GCNT3: variants seen among roughly 807,000 people sequenced by gnomAD.
GCNT3 encodes beta-1,3-galactosyl-O-glycosyl-glycoprotein beta-1,6-N-acetylglucosaminyltransferase 3.
For synonymous variants in GCNT3, 269 were observed against 195.2 expected, an observed-to-expected ratio of 1.38 and a Z score of -3.15; for missense variants, 708 against 530.3, an observed-to-expected ratio of 1.34 and a Z score of -3.29.
chr15:59,612,323 G>A (rs1350985875), intron 1 of GCNT3, among the ~76,000 whole-genome samples: 3 of 152,198 alleles, frequency 2.0e-5, no homozygotes, highest in East Asian at 3.8e-4. Context: ...AGTCTGAGTG[G>A]GAAGAGTTAG....
chr15:59,619,106 T>A lies in GCNT3; in HGVS notation c.868T>A (p.Leu290Ile). ...NKKKDPPPYN[L>I]TMFTGNAYIV... is the part of the protein sequence containing the mutation. ...GAAGAAGGATCCTCCCCCTTATAAT[T>A]TAACTATGTTTACAGGGAATGCGTA... Residue 290 changes from leucine (L) to isoleucine (I), a missense_variant, in exon 3 of 3, where the codon TTA becomes ATA. Leu to Ile is a conservative substitution (Grantham distance 5). Coordinates refer to ENST00000396065, the MANE Select transcript of GCNT3 (RefSeq NM_004751.3). The A allele has an allele frequency of 6.2e-7, 1 of 1,614,138 alleles. No individual in the cohort carries two copies. The highest frequency in any genetic ancestry group is 8.5e-7 in the Non-Finnish European group (1 of 1,180,016).
At position 59,618,442 on chromosome 15, in the gene GCNT3, C is replaced by G. The variant is rs1429690343; in HGVS notation, c.204C>G (p.Ile68Met). ...NFLKLPAKRSINCSGVTRGDQ... is the reference protein window; with the variant it reads ...NFLKLPAKRSMNCSGVTRGDQ... ...TGAAACTTCCAGCAAAGAGGTCTAT[C>G]AACTGTTCAGGGGTCACCCGAGGGG... Residue 68 changes from isoleucine to methionine, a missense_variant, in exon 3 of 3, where the codon ATC becomes ATG. Transcript: ENST00000396065. 4.3e-6 allele frequency: 7 copies of G among 1,614,052 alleles called. No homozygotes were observed. Among genetic ancestry groups the G allele is most frequent in the African/African-American group, 2.7e-5 (2 of 75,048 alleles).
chr15:59,618,238 G>C lies in GCNT3; in HGVS notation c.-1G>C. On this transcript the variant is annotated 5_prime_UTR_variant, in exon 3 of 3. Coordinates refer to ENST00000396065, the MANE Select transcript of GCNT3 (RefSeq NM_004751.3). Reference sequence around the variant, plus strand: ...CTCCACCTGTCTCCCATTCTGTGACGATGGTTCAATGGAAGAGACTCTGCC... The same window carrying C: ...CTCCACCTGTCTCCCATTCTGTGACCATGGTTCAATGGAAGAGACTCTGCC... The C allele has an allele frequency of 6.5e-7, 1 of 1,536,400 alleles. No homozygotes were observed. Among genetic ancestry groups the C allele is most frequent in the Non-Finnish European group, 8.8e-7 (1 of 1,131,758 alleles).
chr15:59,616,338 C>A (rs1158542464), intron 1 of GCNT3: 1 of 152,138 alleles, frequency 6.6e-6, no homozygotes, highest in African/African-American at 2.4e-5. Flanking sequence ...ATTCCCACCT[C>A]TTGTAATGTT....
Position 59,619,333 on chromosome 15 carries a change from G to A in GCNT3, c.1095G>A (p.Lys365=). Residue 365 remains lysine (K), a synonymous_variant, in exon 3 of 3, where the codon AAG becomes AAA. Transcript: ENST00000396065. ...TGACTTCTATTGCCAGGCTGGTCAA[G>A]TGGCAGGGTCATGAGGGAGACATCG... ...SDMTSIARLV[K]WQGHEGDIDK... 6.2e-7 allele frequency: 1 copy of A among 1,614,140 alleles called. No individual in the cohort carries two copies. Among genetic ancestry groups the A allele is most frequent in the Non-Finnish European group, 8.5e-7 (1 of 1,180,028 alleles).
chr15:59,619,147 A>C lies in GCNT3; in HGVS notation c.909A>C (p.Arg303=). The C allele has an allele frequency of 6.2e-7, 1 of 1,614,180 alleles. No homozygotes were observed. Among genetic ancestry groups the C allele is most frequent in the Non-Finnish European group, 8.5e-7 (1 of 1,180,024 alleles). The change falls in exon 3 of 3, where the codon CGA becomes CGC. Residue 303 remains arginine, a synonymous_variant. Coordinates refer to ENST00000396065, the MANE Select transcript of GCNT3 (RefSeq NM_004751.3). The stretch of plus-strand genomic sequence containing the variant: ...GGAATGCGTACATTGTGGCTTCCCG[A>C]GATTTCGTCCAACATGTTTTGAAGA... The part of the protein sequence containing the change: ...FTGNAYIVAS[R]DFVQHVLKNP...
chr15:59,617,171 TTTCTTTC>T (rs1222735022), intron 2 of GCNT3, among the ~76,000 whole-genome samples: 13 of 95,638 alleles, frequency 1.4e-4, no homozygotes, highest in Non-Finnish European at 1.9e-4. Flanking sequence ...TTTTGTTTTC[TTTCTTTC>T]TTTTTTTTTT....
intron 1 of GCNT3, chr15:59,616,424 G>A (rs539852100): frequency 3.9e-5 from 6 of 152,312 alleles, no homozygotes; most frequent in Non-Finnish European, 5.9e-5. Flanking sequence ...ATGGTTCCTC[G>A]TTGAGGGAAA....
intron 1 of GCNT3, chr15:59,615,307 A>G (rs1224309208): frequency 1.3e-5 from 2 of 151,968 alleles, no homozygotes; most frequent in Non-Finnish European, 2.9e-5. Flanking sequence ...CAAAGATTTC[A>G]TTTGCCTCCT....
At chr15:59,612,332 A>T (rs1240878646) in intron 1 of GCNT3, among the ~76,000 whole-genome samples, 1 of 152,220 alleles carries the variant, frequency 6.6e-6, no homozygotes, top group African/African-American at 2.4e-5. Context: ...GGGAAGAGTT[A>T]GCTATTTGAA....
intron 2 of GCNT3, among the ~76,000 whole-genome samples, chr15:59,617,478 G>T (rs1035664786): frequency 3.3e-5 from 5 of 152,054 alleles, no homozygotes; most frequent in South Asian, 2.1e-4. Flanking sequence ...GTTATTAAAT[G>T]GGACAGTGTA....
At position 59,619,249 on chromosome 15, in the gene GCNT3, G is replaced by C. The variant is rs528978867; in HGVS notation, c.1011G>C (p.Gln337His). 8.7e-6 allele frequency: 14 copies of C among 1,614,102 alleles called. 1 individual carries two copies. In the South Asian group the frequency reaches 1.5e-4, roughly 18 times the overall value. Residue 337 changes from glutamine (Q) to histidine (H), a missense_variant, in exon 3 of 3, where the codon CAG becomes CAC. Gln to His is a conservative substitution (Grantham distance 24, BLOSUM62 0). Transcript: ENST00000396065. Reference sequence around the variant, plus strand: ...ATGAACACCTCTGGGCCACCCTTCAGCGTGCACGGTGGATGCCTGGCTCTG... The same window carrying C: ...ATGAACACCTCTGGGCCACCCTTCACCGTGCACGGTGGATGCCTGGCTCTG... ...SPDEHLWATL[Q>H]RARWMPGSVP...
chr15:59,615,909 T>C (rs2082717627), intron 1 of GCNT3, among the ~76,000 whole-genome samples: 2 of 152,116 alleles, frequency 1.3e-5, no homozygotes, highest in African/African-American at 4.8e-5. Context: ...AAACTTGCTC[T>C]GTTCAGATAT....
rs1324552715 is a variant in GCNT3 at position 59,622,512 on chromosome 15, G to A, written c.*2957G>A. Reference sequence around the variant, plus strand: ...GTTGCCAGCAGTGGTGATCGATCACGGCCTCCCCCTGCTGGCTGATGTGAT... The same window carrying A: ...GTTGCCAGCAGTGGTGATCGATCACAGCCTCCCCCTGCTGGCTGATGTGAT... On this transcript the variant is annotated 3_prime_UTR_variant, in exon 3 of 3. Coordinates refer to ENST00000396065, the MANE Select transcript of GCNT3 (RefSeq NM_004751.3). 4.6e-5 allele frequency: 7 copies of A among 151,958 alleles called. No individual in the cohort carries two copies. The highest frequency in any genetic ancestry group is 1.5e-5 in the Non-Finnish European group (1 of 68,016). 9.4% of individuals were successfully genotyped at this position (151,958 alleles called of 1,614,324 possible). A position where few individuals can be genotyped will look rare whatever the true frequency, so the allele number is the denominator to read the frequency against.
rs148733980 is a variant in GCNT3, at chr15:59,613,875, G to A, written c.-251+1894G>A. Among the ~76,000 whole-genome samples the A allele has an allele frequency of 3.6e-3, 552 of 152,224 alleles. 5 individuals carry two copies. The highest frequency in any genetic ancestry group is 5.0e-3 in the Non-Finnish European group (338 of 68,008). On this transcript the variant is annotated intron_variant, in intron 1 of 2. Coordinates refer to ENST00000396065, the MANE Select transcript of GCNT3 (RefSeq NM_004751.3). ...AAATACAAATAATAAAAATTAGCTG[G>A]GCATGGTGGCTTGTGCCTGTAGTCC...
chr15:59,612,989 C>T (rs1034991728), intron 1 of GCNT3, among the ~76,000 whole-genome samples: 1 of 151,868 alleles, frequency 6.6e-6, no homozygotes, highest in Non-Finnish European at 1.5e-5. Flanking sequence ...TACTTGTAAC[C>T]ACCTTGAGTT....
intron 1 of GCNT3, among the ~76,000 whole-genome samples, chr15:59,614,577 C>T (rs1393478276): frequency 6.6e-6 from 1 of 152,144 alleles, no homozygotes; most frequent in Non-Finnish European, 1.5e-5. Context: ...CCTGTTGTTG[C>T]CATGGTATTT....
intron 1 of GCNT3, among the ~76,000 whole-genome samples, chr15:59,614,535 G>A (rs543336605): frequency 6.6e-6 from 1 of 152,288 alleles, no homozygotes; most frequent in African/African-American, 2.4e-5. Flanking sequence ...GGTTATTCAT[G>A]CCTCCCCCTT....
chr15:59,619,092 C>T lies in GCNT3; in HGVS notation c.854C>T (p.Pro285Leu). 1.2e-6 allele frequency: 2 copies of T among 1,614,036 alleles called. No homozygotes were observed. Among genetic ancestry groups the T allele is most frequent in the Non-Finnish European group, 1.7e-6 (2 of 1,179,928 alleles). The change falls in exon 3 of 3, where the codon CCT becomes CTT. Residue 285 changes from proline to leucine, a missense_variant. By Grantham distance (98) the Pro-to-Leu change is moderately conservative. Coordinates refer to ENST00000396065, the MANE Select transcript of GCNT3 (RefSeq NM_004751.3). ...CACCTAACCAACAAGAAGAAGGATC[C>T]TCCCCCTTATAATTTAACTATGTTT... ...TLHLTNKKKD[P>L]PPYNLTMFTG... is the part of the protein sequence containing the mutation.
Sources: allele counts gnomAD v4.1 joint callset (sites outside exome capture counted in the v4.1 genomes callset), GRCh38; gene constraint gnomAD v4.1.1; transcripts MANE v1.5; gene names NCBI Gene and HGNC (gene_info 2026-07-23, HGNC 2026-07-21).